GTF3C1: variants seen among roughly 807,000 people sequenced by gnomAD.
GTF3C1 encodes general transcription factor IIIC subunit 1, also known as general transcription factor 3C polypeptide 1.
GTF3C1 carries 57 observed loss-of-function variants against 226.7 expected under a neutral mutation model. The observed-to-expected ratio is 0.25, with a 90% CI of 0.20 to 0.31. GTF3C1 has a LOEUF of 0.31. GTF3C1 is among the 10% of genes least tolerant of loss of function. The probability of loss-of-function intolerance (pLI) is 1.00; values close to 1 mark genes in which losing one functional copy is unlikely to be tolerated. For synonymous variants in GTF3C1, 1,090 were observed against 1,084.8 expected (o/e 1.00, Z -0.09); for missense variants, 2,217 against 2,776.1 (o/e 0.80, Z 4.53).
chr16:27,462,389 A>G lies in GTF3C1; in HGVS notation c.6022T>C (p.Tyr2008His). The change falls in exon 36 of 37, where the codon TAC (tyrosine) becomes CAC (histidine). Residue 2008 changes from tyrosine to histidine, a missense_variant. Around this residue, in one of 12 missense-constraint regions of GTF3C1, gnomAD observed 153 missense variants for 199.8 expected, o/e 0.77. Coordinates refer to ENST00000356183, the MANE Select transcript of GTF3C1 (RefSeq NM_001520.4). This position sits in a 1 kb window ranked among gnomAD's most constrained non-coding sequence, Gnocchi z 4.5. The part of the protein sequence containing the change: ...VCKGMMEAML[Y>H]HIMTRPGIPE... ...ATGCCAGGCCTGGTCATGATGTGGT[A>G]CAGCATGGCCTCCATCATACCCTTG... The G allele has an allele frequency of 6.2e-7, 1 of 1,607,656 alleles. No homozygotes were observed. Among genetic ancestry groups the G allele is most frequent in the Non-Finnish European group, 8.5e-7 (1 of 1,176,958 alleles).
At chr16:27,505,765 A>T (rs1399692209) in intron 10 of GTF3C1, 134 bp downstream of exon 10, 61 of 635,828 alleles carry the variant, frequency 9.6e-5, no homozygotes, top group Non-Finnish European at 1.7e-4. Flanking sequence ...CTGCCTGGGA[A>T]GCACAGGCAG....
chr16:27,488,426 T>A lies in GTF3C1; in HGVS notation c.3512-11A>T. 1 of 1,603,658 alleles carries A rather than the reference T, an allele frequency of 6.2e-7. No homozygotes were observed. Among genetic ancestry groups the A allele is most frequent in the South Asian group, 1.1e-5 (1 of 90,826 alleles). ...TCAACCTGCTGTTGCCTAGACATAA[T>A]CACAGGAGACAACAGTTTCAGGACG... On this transcript the variant is annotated splice_polypyrimidine_tract_variant and intron_variant, in intron 22 of 36. Coordinates refer to ENST00000356183, the MANE Select transcript of GTF3C1 (RefSeq NM_001520.4).
chr16:27,470,031 G>T lies in GTF3C1; in HGVS notation c.4814+77C>A. The stretch of plus-strand genomic sequence containing the variant: ...ATCCCACAAGCTCCCAGAAGGCACT[G>T]CTGACCCCTGCCCGTCTGTATCTGG... On this transcript the variant is annotated intron_variant, in intron 31 of 36. Coordinates refer to ENST00000356183, the MANE Select transcript of GTF3C1 (RefSeq NM_001520.4). This position sits in a 1 kb window ranked among gnomAD's most constrained non-coding sequence, Gnocchi z 4.9. 8.3e-7 allele frequency: 1 copy of T among 1,208,886 alleles called. No individual in the cohort carries two copies. The highest frequency in any genetic ancestry group is 1.2e-6 in the Non-Finnish European group (1 of 845,626). 74.9% of individuals were successfully genotyped at this position (1,208,886 alleles called of 1,614,324 possible).
rs758502337 is a variant in GTF3C1 at position 27,470,062 on chromosome 16, G to A, written c.4814+46C>T. Reference sequence around the variant, plus strand: ...CCCTGCCCGTCTGTATCTGGCCAATGCCTAGCACGTGGCCAGACCTGATGC... The same window carrying A: ...CCCTGCCCGTCTGTATCTGGCCAATACCTAGCACGTGGCCAGACCTGATGC... On this transcript the variant is annotated intron_variant, in intron 31 of 36. Coordinates refer to ENST00000356183, the MANE Select transcript of GTF3C1 (RefSeq NM_001520.4). The surrounding 1 kb of genome is among the most constrained non-coding windows in gnomAD (Gnocchi z 4.9). 4 of 1,514,232 alleles carry A rather than the reference G, an allele frequency of 2.6e-6. No individual in the cohort carries two copies. Among genetic ancestry groups the A allele is most frequent in the Non-Finnish European group, 3.6e-6 (4 of 1,102,230 alleles). The allele number at this position is 1,514,232 out of a possible 1,614,324, so 93.8% of individuals were successfully genotyped here.
Position 27,471,165 on chromosome 16 carries a change from G to C in GTF3C1, c.4526+583C>G, listed in dbSNP as rs2087862078. ...CCGTGCAGACCTGAGTGCGGGGAAG[G>C]AGAATGGTGTGAAGGGGAAGCCGTC... On this transcript the variant is annotated intron_variant, in intron 30 of 36. Transcript: ENST00000356183. The surrounding 1 kb of genome is among the most constrained non-coding windows in gnomAD (Gnocchi z 5.0). 6.6e-6 allele frequency among the ~76,000 whole-genome samples: 1 copy of C among 152,258 alleles called. No individual in the cohort carries two copies. The highest frequency in any genetic ancestry group is 1.5e-5 in the Non-Finnish European group (1 of 68,036).
chr16:27,522,883 C>T (rs1225601199), intron 6 of GTF3C1, among the ~76,000 whole-genome samples: 1 of 152,120 alleles, frequency 6.6e-6, no homozygotes, highest in Non-Finnish European at 1.5e-5. Flanking sequence ...AGATTGTGCA[C>T]GGTGGGTCTA....
intron 6 of GTF3C1, among the ~76,000 whole-genome samples, chr16:27,520,384 G>T (rs909382094): frequency 2.6e-5 from 4 of 152,070 alleles, no homozygotes; most frequent in African/African-American, 9.7e-5. Flanking sequence ...CAAAGTGCTG[G>T]GATTACAGGC....
intron 10 of GTF3C1, 133 bp downstream of exon 10, chr16:27,505,766 G>A (rs1334398736): frequency 6.3e-6 from 4 of 637,774 alleles, no homozygotes; most frequent in Non-Finnish European, 1.1e-5. Flanking sequence ...TGCCTGGGAA[G>A]CACAGGCAGG....
At position 27,484,192 on chromosome 16, in the gene GTF3C1, G is replaced by C. The variant is rs1465087511; in HGVS notation, c.4001+19C>G. 6 of 1,573,606 alleles carry C rather than the reference G, an allele frequency of 3.8e-6. No homozygotes were observed. The highest frequency in any genetic ancestry group is 1.7e-4 in the Middle Eastern group (1 of 6,002). ...AACGTAACCGTGTCCCGGAGTGACG[G>C]GGCTTCAATGAGGCTTACTTATAGT... On this transcript the variant is annotated intron_variant, in intron 25 of 36. Transcript: ENST00000356183.
At chr16:27,539,114 G>T (rs116415119) in intron 2 of GTF3C1, among the ~76,000 whole-genome samples, 1,815 of 149,594 alleles carry the variant, frequency 0.012, 46 homozygotes, top group African/African-American at 0.042. Flanking sequence ...TGCGCAGAAT[G>T]AATTTGGGTG....
chr16:27,487,334 C>T (rs1009363847), intron 23 of GTF3C1, among the ~76,000 whole-genome samples: 2 of 152,176 alleles, frequency 1.3e-5, no homozygotes, highest in African/African-American at 4.8e-5. Context: ...AGCTACCAGC[C>T]GTCAGTGGCT....
intron 6 of GTF3C1, 63 bp from the exon 7 acceptor site, chr16:27,511,964 G>A (rs2088580011): frequency 1.9e-6 from 3 of 1,577,000 alleles, no homozygotes; most frequent in Non-Finnish European, 2.6e-6. Flanking sequence ...GGGGAGGTGA[G>A]GGGTTCTGAA....
Position 27,465,330 on chromosome 16 carries a change from A to G in GTF3C1, c.5285T>C (p.Leu1762Pro), listed in dbSNP as rs2087770527. The G allele has an allele frequency of 6.2e-7, 1 of 1,614,010 alleles. No individual in the cohort carries two copies. Among genetic ancestry groups the G allele is most frequent in the Non-Finnish European group, 8.5e-7 (1 of 1,180,010 alleles). The change falls in exon 33 of 37, where the codon CTG becomes CCG. Residue 1762 changes from leucine to proline, a missense_variant. Physicochemically the swap from Leu to Pro is moderately conservative, Grantham distance 98. Coordinates refer to ENST00000356183, the MANE Select transcript of GTF3C1 (RefSeq NM_001520.4). ...TGCFGIDKEE[L>P]RRRFSALEKA... ...CTCCAAGGCCGAGAACCGTCTGCGCAGCTCCTCCTTGTCAATCCCAAAACA... is the reference window on the plus strand; with the variant it reads ...CTCCAAGGCCGAGAACCGTCTGCGCGGCTCCTCCTTGTCAATCCCAAAACA...
Position 27,489,109 on chromosome 16 carries a change from G to A in GTF3C1, c.3363C>T (p.Ser1121=). Residue 1121 remains serine, a synonymous_variant, in exon 21 of 37, where the codon TCC becomes TCT. Coordinates refer to ENST00000356183, the MANE Select transcript of GTF3C1 (RefSeq NM_001520.4). ...GDGLGAAGLD[S]SFYGHLKRNW... ...TGCGCTTGAGGTGTCCGTAGAAGCTGGAATCGAGCCCTGCGGCACCCAGCC... is the reference window on the plus strand; with the variant it reads ...TGCGCTTGAGGTGTCCGTAGAAGCTAGAATCGAGCCCTGCGGCACCCAGCC... 6.2e-7 allele frequency: 1 copy of A among 1,614,012 alleles called. No individual in the cohort carries two copies. The highest frequency in any genetic ancestry group is 1.7e-4 in the Middle Eastern group (1 of 6,058).
intron 1 of GTF3C1, among the ~76,000 whole-genome samples, chr16:27,548,845 T>C (rs1156348013): frequency 6.6e-6 from 1 of 152,102 alleles, no homozygotes; most frequent in African/African-American, 2.4e-5. Context: ...CTAAAGCTTC[T>C]AGAATAGATT....
Position 27,471,689 on chromosome 16 carries a change from C to CTT in GTF3C1, c.4526+57_4526+58dup, listed in dbSNP as rs1293359903. ...TGGCCACAGTGCTTCCTTTGCTCCT[C>CTT]TTTACAGACAGGGCGTGGCTCCACC... On this transcript the variant is annotated intron_variant, in intron 30 of 36. Coordinates refer to ENST00000356183, the MANE Select transcript of GTF3C1 (RefSeq NM_001520.4). This position sits in a 1 kb window ranked among gnomAD's most constrained non-coding sequence, Gnocchi z 5.0. 16 of 1,384,596 alleles carry CTT rather than the reference C, an allele frequency of 1.2e-5. No homozygotes were observed. Among genetic ancestry groups the CTT allele is most frequent in the Non-Finnish European group, 1.6e-5 (16 of 978,378 alleles). 85.8% of individuals were successfully genotyped at this position (1,384,596 alleles called of 1,614,324 possible).
chr16:27,548,575 A>AT (rs749863091), intron 1 of GTF3C1, among the ~76,000 whole-genome samples: 3 of 152,118 alleles, frequency 2.0e-5, no homozygotes, highest in Non-Finnish European at 4.4e-5. Flanking sequence ...TGTCTTGGAC[A>AT]TTATTACCTC....
chr16:27,465,648 C>T (rs1190640626), intron 32 of GTF3C1, 108 bp from the exon 33 acceptor site: 1 of 867,326 alleles, frequency 1.2e-6, no homozygotes, highest in South Asian at 1.7e-5. Context: ...CAACTCACTG[C>T]TTCCCCGACA....
At chr16:27,479,865 G>C (rs185744419) in intron 27 of GTF3C1, among the ~76,000 whole-genome samples, 1 of 152,096 alleles carries the variant, frequency 6.6e-6, no homozygotes, top group Non-Finnish European at 1.5e-5. Flanking sequence ...CTCTCTAAAT[G>C]GTTCATGGGC....
Sources: allele counts gnomAD v4.1 joint callset (sites outside exome capture counted in the v4.1 genomes callset), GRCh38; gene constraint gnomAD v4.1.1; regional missense constraint gnomAD v4.1.1; non-coding constraint Gnocchi (gnomAD v3.1); transcripts MANE v1.5; gene names NCBI Gene and HGNC (gene_info 2026-07-23, HGNC 2026-07-21).